CABLES1: variants seen among roughly 807,000 people sequenced by gnomAD.
CABLES1 encodes the protein CDK5 and ABL1 enzyme substrate 1.
CABLES1 carries 36 observed loss-of-function variants against 57.8 expected under a neutral mutation model. The observed-to-expected ratio is 0.62, with a 90% CI of 0.48 to 0.82. The LOEUF is 0.82. Ranked by LOEUF, CABLES1 falls within the 40% of genes least tolerant of loss-of-function variation. The pLI, the probability that CABLES1 is intolerant of heterozygous loss-of-function variation, is 0.00. For missense variants in CABLES1, 767 were observed against 836.6 expected, an observed-to-expected ratio of 0.92 and a Z score of 1.03; for synonymous variants, 374 against 363.0, an observed-to-expected ratio of 1.03 and a Z score of -0.35.
At chr18:23,142,686 A>T (rs2046865140) in intron 1 of CABLES1, among the ~76,000 whole-genome samples, 1 of 152,198 alleles carries the variant, frequency 6.6e-6, no homozygotes, top group African/African-American at 2.4e-5. Context: ...TGTCCTACTC[A>T]TGGGAGATGG....
At chr18:23,168,307 A>T (rs1388355963) in intron 1 of CABLES1, among the ~76,000 whole-genome samples, 1 of 152,244 alleles carries the variant, frequency 6.6e-6, no homozygotes, top group Non-Finnish European at 1.5e-5. Context: ...ATTCTGACAC[A>T]TGCAGCAACG....
intron 3 of CABLES1, among the ~76,000 whole-genome samples, chr18:23,200,750 T>C (rs370488720): frequency 7.9e-5 from 12 of 152,324 alleles, no homozygotes; most frequent in South Asian, 4.1e-4. Flanking sequence ...GCCATGGACA[T>C]TGCATATCTA....
In CABLES1 at chr18:23,136,317, GGC is replaced by G; in HGVS notation, c.558_559del (p.Pro187SerfsTer112). On this transcript the variant is annotated frameshift_variant, in exon 1 of 10. Transcript: ENST00000256925. LOFTEE classifies it high-confidence loss of function. ...SGEQWQPPRP[A>X]PLAACAQLQL... The stretch of plus-strand genomic sequence containing the variant: ...GGGAGCAGTGGCAGCCGCCCCGGCC[GGC>G]GCCTCTCGCCGCCTGTGCCCAACTG... 1 of 1,403,608 alleles carries G rather than the reference GGC, an allele frequency of 7.1e-7. No individual in the cohort carries two copies. Among genetic ancestry groups the G allele is most frequent in the Non-Finnish European group, 9.2e-7 (1 of 1,084,396 alleles). 86.9% of individuals were successfully genotyped at this position (1,403,608 alleles called of 1,614,324 possible). A position where few individuals can be genotyped will look rare whatever the true frequency, so the allele number is the denominator to read the frequency against.
At chr18:23,248,225 C>T (rs143887260) in intron 7 of CABLES1, among the ~76,000 whole-genome samples, 4 of 152,264 alleles carry the variant, frequency 2.6e-5, no homozygotes, top group South Asian at 2.1e-4. Flanking sequence ...CTCAACGGAT[C>T]GGATATCGTC....
chr18:23,189,204 C>A, intron 2 of CABLES1: 1 of 343,020 alleles, frequency 2.9e-6, no homozygotes, highest in Non-Finnish European at 5.4e-6. Flanking sequence ...AAGAGCCCAG[C>A]ATTGTCCCGG....
At chr18:23,234,052 A>T (rs538533562) in intron 4 of CABLES1, among the ~76,000 whole-genome samples, 2 of 152,250 alleles carry the variant, frequency 1.3e-5, no homozygotes, top group African/African-American at 4.8e-5. Flanking sequence ...CCCCGTCTGT[A>T]CTAAAAATAC....
chr18:23,183,080 C>A (rs1029289087), intron 1 of CABLES1, among the ~76,000 whole-genome samples: 1 of 152,244 alleles, frequency 6.6e-6, no homozygotes, highest in Non-Finnish European at 1.5e-5. Flanking sequence ...GATGGTCAGG[C>A]CTCTGGGCCT....
At chr18:23,151,517 G>A (rs2046930646) in intron 1 of CABLES1, among the ~76,000 whole-genome samples, 1 of 152,196 alleles carries the variant, frequency 6.6e-6, no homozygotes, top group South Asian at 2.1e-4. Context: ...GAACTTGTAG[G>A]GAACTTGAAT....
intron 7 of CABLES1, among the ~76,000 whole-genome samples, chr18:23,247,412 A>C (rs186547967): frequency 7.2e-5 from 11 of 152,354 alleles, no homozygotes; most frequent in African/African-American, 2.4e-4. Context: ...GGTGCAGAGC[A>C]GTGGCCTCAA....
rs1217294385 is a variant in CABLES1 at position 23,257,566 on chromosome 18, C to A, written c.*199C>A. 1 of 529,690 alleles carries A rather than the reference C, an allele frequency of 1.9e-6. No homozygotes were observed. Among genetic ancestry groups the A allele is most frequent in the Non-Finnish European group, 3.2e-6 (1 of 313,714 alleles). The allele number at this position is 529,690 out of a possible 1,614,324, so 32.8% of individuals were successfully genotyped here. A position where few individuals can be genotyped will look rare whatever the true frequency, so the allele number is the denominator to read the frequency against. On this transcript the variant is annotated 3_prime_UTR_variant, in exon 10 of 10. Coordinates refer to ENST00000256925, the MANE Select transcript of CABLES1 (RefSeq NM_001100619.3). ...CAAGAGGAGCCATGAGCTATGGACT[C>A]CTCAAGCACGGGAAGAGGAGGTGTG...
At chr18:23,232,887 AT>A (rs1020056806) in intron 4 of CABLES1, among the ~76,000 whole-genome samples, 10 of 151,380 alleles carry the variant, frequency 6.6e-5, no homozygotes, top group African/African-American at 2.4e-4. Flanking sequence ...TTTTTTCTAT[AT>A]TGGAGGATAG....
intron 4 of CABLES1, among the ~76,000 whole-genome samples, chr18:23,232,288 G>C (rs984848895): frequency 2.6e-5 from 4 of 152,206 alleles, no homozygotes; most frequent in Non-Finnish European, 5.9e-5. Context: ...AAATTATTTG[G>C]GAGTTGGGAA....
intron 7 of CABLES1, among the ~76,000 whole-genome samples, chr18:23,238,020 C>T (rs1296801736): frequency 6.6e-6 from 1 of 152,264 alleles, no homozygotes; most frequent in African/African-American, 2.4e-5. Flanking sequence ...AGAATGCCCC[C>T]ACCACCTCCC....
chr18:23,154,746 A>G (rs2046954855), intron 1 of CABLES1, among the ~76,000 whole-genome samples: 1 of 152,174 alleles, frequency 6.6e-6, no homozygotes, highest in African/African-American at 2.4e-5. Flanking sequence ...TTCTAACGGA[A>G]GCCCATCCTC....
At chr18:23,159,034 C>T (rs916521776) in intron 1 of CABLES1, among the ~76,000 whole-genome samples, 6 of 152,190 alleles carry the variant, frequency 3.9e-5, no homozygotes, top group Non-Finnish European at 5.9e-5. Flanking sequence ...GGCGCGATCT[C>T]GGCTCACTGT....
chr18:23,155,013 G>A (rs45533732), intron 1 of CABLES1, among the ~76,000 whole-genome samples: 1,608 of 152,282 alleles, frequency 0.011, 15 homozygotes, highest in Middle Eastern at 0.034. Context: ...TGCTACAAAC[G>A]TAATTGAATA....
At chr18:23,250,242 C>G (rs2048004526) in intron 7 of CABLES1, among the ~76,000 whole-genome samples, 1 of 152,220 alleles carries the variant, frequency 6.6e-6, no homozygotes, top group Non-Finnish European at 1.5e-5. Flanking sequence ...AGGCAGATGA[C>G]TTTACTTGAG....
intron 1 of CABLES1, among the ~76,000 whole-genome samples, chr18:23,155,427 G>A (rs2046958957): frequency 1.3e-5 from 2 of 152,306 alleles, no homozygotes; most frequent in African/African-American, 4.8e-5. Flanking sequence ...TTTTCAAAGG[G>A]AAAATAATGC....
chr18:23,233,618 C>T (rs531652901), intron 4 of CABLES1, among the ~76,000 whole-genome samples: 36 of 151,986 alleles, frequency 2.4e-4, no homozygotes, highest in Non-Finnish European at 4.7e-4. Flanking sequence ...GAGGCCAAGA[C>T]GGGAGGATGG....
Sources: gnomAD v4.1 joint callset for allele counts (sites outside exome capture counted in the v4.1 genomes callset) on GRCh38, gnomAD v4.1.1 for gene constraint, MANE v1.5 for transcripts, NCBI Gene and HGNC (gene_info 2026-07-23, HGNC 2026-07-21) for gene names.